ARRDC3: variants seen among roughly 807,000 people sequenced by gnomAD.
The protein encoded by ARRDC3 is arrestin domain-containing protein 3.
A neutral mutation model predicts 47.2 loss-of-function variants in ARRDC3; 10 were observed. That is an observed-to-expected ratio of 0.21 (90% CI 0.13 to 0.36). The LOEUF (loss-of-function observed/expected upper bound fraction) is 0.36, where lower values mean the gene tolerates loss of function less well. ARRDC3 is among the 10% of genes least tolerant of loss of function. ARRDC3 has a pLI of 1.00. For missense variants in ARRDC3, 381 were observed against 503.6 expected (o/e 0.76, Z 2.33); for synonymous variants, 156 against 178.3 (o/e 0.87, Z 1.00).
In ARRDC3 at chr5:91,376,613, A is replaced by T; in HGVS notation, c.510+8T>A. 1 of 1,598,662 alleles carries T rather than the reference A, an allele frequency of 6.3e-7. No individual in the cohort carries two copies. The highest frequency in any genetic ancestry group is 1.7e-4 in the Middle Eastern group (1 of 5,884). On this transcript the variant is annotated splice_region_variant and intron_variant, in intron 3 of 7. Transcript: ENST00000265138. ...AAACAAAGAATAAATAATTCAGTCA[A>T]TTCTTACCAGTAATGAAGGAGTGTT...
In ARRDC3 at chr5:91,383,098, T is replaced by C. The variant is rs1799485896; in HGVS notation, c.-6A>G. 6.3e-7 allele frequency: 1 copy of C among 1,578,572 alleles called. No individual in the cohort carries two copies. The highest frequency in any genetic ancestry group is 8.6e-7 in the Non-Finnish European group (1 of 1,165,616). Reference sequence around the variant, plus strand: ...TTCACCTTTCCCAGCACCATGTTTATAACAAAATCTATAAAAATATAATGT... The same window carrying C: ...TTCACCTTTCCCAGCACCATGTTTACAACAAAATCTATAAAAATATAATGT... On this transcript the variant is annotated 5_prime_UTR_variant, in exon 1 of 8. Transcript: ENST00000265138.
At position 91,376,727 on chromosome 5, in the gene ARRDC3, C is replaced by A; in HGVS notation, c.404G>T (p.Arg135Leu). ...GTGCAATTCGGCTTTCACCCAATAG[C>A]GCACACTGCCATGTCGGCCTTCGAA... ...TSFEGRHGSV[R>L]YWVKAELHRP... The change falls in exon 3 of 8, where the codon CGC becomes CTC. Residue 135 changes from arginine to leucine, a missense_variant. Arg to Leu is a moderately radical substitution (Grantham distance 102). Coordinates refer to ENST00000265138, the MANE Select transcript of ARRDC3 (RefSeq NM_020801.4). 1 of 1,613,922 alleles carries A rather than the reference C, an allele frequency of 6.2e-7. No homozygotes were observed. The highest frequency in any genetic ancestry group is 8.5e-7 in the Non-Finnish European group (1 of 1,179,908).
At chr5:91,376,291 A>G (rs1281553562) in intron 3 of ARRDC3, among the ~76,000 whole-genome samples, 1 of 152,194 alleles carries the variant, frequency 6.6e-6, no homozygotes, top group Non-Finnish European at 1.5e-5. Context: ...TATTATAATA[A>G]AAGATACTAC....
In ARRDC3 at chr5:91,375,612, G is replaced by A; in HGVS notation, c.512C>T (p.Ser171Leu). Residue 171 changes from serine (S) to leucine (L), a missense_variant and splice_region_variant, in exon 4 of 8, where the codon TCA becomes TTA. Coordinates refer to ENST00000265138, the MANE Select transcript of ARRDC3 (RefSeq NM_020801.4). ...HIDINTPSLL[S>L]PQAGTKEKTL... ...CTTTTCTTTTGTGCCTGCTTGGGGTGACTGTAAGAAAAAAATTAAGAGAAA... is the reference window on the plus strand; with the variant it reads ...CTTTTCTTTTGTGCCTGCTTGGGGTAACTGTAAGAAAAAAATTAAGAGAAA... 1.2e-6 allele frequency: 2 copies of A among 1,602,804 alleles called. No homozygotes were observed. Among genetic ancestry groups the A allele is most frequent in the Non-Finnish European group, 1.7e-6 (2 of 1,173,626 alleles).
intron 7 of ARRDC3, 88 bp downstream of exon 7, chr5:91,373,596 G>T: frequency 1.6e-6 from 2 of 1,245,874 alleles, no homozygotes; most frequent in South Asian, 3.0e-5. Flanking sequence ...TGATAATCAA[G>T]ATCTAATAAC....
chr5:91,376,478 G>A, intron 3 of ARRDC3, 143 bp downstream of exon 3: 2 of 754,558 alleles, frequency 2.7e-6, no homozygotes. Flanking sequence ...GTTCTTGACT[G>A]TATTTAAGAA....
intron 5 of ARRDC3, 113 bp from the exon 6 acceptor site, chr5:91,374,389 TTACA>T: frequency 1.1e-6 from 1 of 907,780 alleles, no homozygotes; most frequent in Non-Finnish European, 1.7e-6. Context: ...ATTTTTAAAC[TTACA>T]TACATGAAAA....
At chr5:91,378,521 G>A (rs751697173) in intron 2 of ARRDC3, among the ~76,000 whole-genome samples, 173 bp downstream of exon 2, 2 of 151,812 alleles carry the variant, frequency 1.3e-5, no homozygotes, top group Admixed American at 6.6e-5. Context: ...ATTTTGCCAC[G>A]CTAGATTAAA....
chr5:91,374,332 A>G, intron 5 of ARRDC3, 56 bp from the exon 6 acceptor site: 1 of 1,485,790 alleles, frequency 6.7e-7, no homozygotes, highest in Non-Finnish European at 9.2e-7. Flanking sequence ...TTCCTTTTCA[A>G]AAACTCATAA....
At position 91,371,347 on chromosome 5, in the gene ARRDC3, C is replaced by G. The variant is rs998999627; in HGVS notation, c.*53G>C. The G allele has an allele frequency of 2.0e-6, 3 of 1,477,672 alleles. No homozygotes were observed. The highest frequency in any genetic ancestry group is 2.8e-6 in the Non-Finnish European group (3 of 1,060,908). 91.5% of individuals were successfully genotyped at this position (1,477,672 alleles called of 1,614,324 possible). On this transcript the variant is annotated 3_prime_UTR_variant, in exon 8 of 8. Transcript: ENST00000265138. The stretch of plus-strand genomic sequence containing the variant: ...TCCAAGATACTTCTCTGTCCTCAGC[C>G]GGAAGAGATACAGTTCGGAACCCAC...
In ARRDC3 at chr5:91,378,859, T is replaced by TAC. The variant is rs1047492848; in HGVS notation, c.281-86_281-85dup. 10 of 781,802 alleles carry TAC rather than the reference T, an allele frequency of 1.3e-5. No individual in the cohort carries two copies. The African/African-American group carries it at 1.5e-4, about 11-fold the overall frequency. 48.4% of individuals were successfully genotyped at this position (781,802 alleles called of 1,614,324 possible). On this transcript the variant is annotated intron_variant, in intron 1 of 7. Coordinates refer to ENST00000265138, the MANE Select transcript of ARRDC3 (RefSeq NM_020801.4). ...AGGGTGGCATAACTTTAAAGATGCTTACATAACAATTAAGACCACAAAACA... is the reference window on the plus strand; with the variant it reads ...AGGGTGGCATAACTTTAAAGATGCTTACACATAACAATTAAGACCACAAAACA...
intron 1 of ARRDC3, among the ~76,000 whole-genome samples, chr5:91,381,230 G>A (rs1799451192): frequency 6.6e-6 from 1 of 151,990 alleles, no homozygotes; most frequent in Non-Finnish European, 1.5e-5. Context: ...GGGGTGCAGG[G>A]CATTTAGTTT....
rs1221479815 is a variant in ARRDC3 at position 91,370,593 on chromosome 5, C to G, written c.*807G>C. ...TTAAGTGATTTTAGGCAGTCAGTAACAAAATGCTGCTTTGCTGTAATAGTA... is the reference window on the plus strand; with the variant it reads ...TTAAGTGATTTTAGGCAGTCAGTAAGAAAATGCTGCTTTGCTGTAATAGTA... On this transcript the variant is annotated 3_prime_UTR_variant, in exon 8 of 8. Transcript: ENST00000265138. 3 of 152,508 alleles carry G rather than the reference C, an allele frequency of 2.0e-5. No individual in the cohort carries two copies. The allele number at this position is 152,508 out of a possible 1,614,324, so 9.4% of individuals were successfully genotyped here.
In ARRDC3 at chr5:91,368,693, AT is replaced by A. The variant is rs1322725012; in HGVS notation, c.*2706del. 6.6e-6 allele frequency: 1 copy of A among 152,452 alleles called. No homozygotes were observed. Among genetic ancestry groups the A allele is most frequent in the Non-Finnish European group, 1.5e-5 (1 of 68,042 alleles). The allele number at this position is 152,452 out of a possible 1,614,324, so 9.4% of individuals were successfully genotyped here. ...TTTGCATGTATGGTGAGTTACTAAT[AT>A]GATCAAGATTCAAATAAATCTCCAA... is the stretch of plus-strand genomic sequence containing the variant. On this transcript the variant is annotated 3_prime_UTR_variant, in exon 8 of 8. Transcript: ENST00000265138.
intron 2 of ARRDC3, 28 bp downstream of exon 2, chr5:91,378,666 A>T: frequency 7.8e-7 from 1 of 1,287,696 alleles, no homozygotes; most frequent in Non-Finnish European, 1.1e-6. Flanking sequence ...AAGTATCTAT[A>T]AAAATGCCTA....
chr5:91,379,679 C>T lies in ARRDC3; in HGVS notation c.281-904G>A, dbSNP rs140454631. On this transcript the variant is annotated intron_variant, in intron 1 of 7. Transcript: ENST00000265138. ...GAGGGGGTTCTAGATCATTAAAGTG[C>T]CTATTTAGCGTTTTAAATAATTACA... is the stretch of plus-strand genomic sequence containing the variant. Among the ~76,000 whole-genome samples the T allele has an allele frequency of 3.0e-3, 461 of 151,432 alleles. 1 individual carries two copies. Among genetic ancestry groups the T allele is most frequent in the Non-Finnish European group, 5.7e-3 (384 of 67,850 alleles).
intron 3 of ARRDC3, 109 bp from the exon 4 acceptor site, chr5:91,375,722 TG>T: frequency 2.8e-6 from 2 of 710,644 alleles, no homozygotes. Flanking sequence ...AAATTACAAC[TG>T]GTTTTGCTTT....
chr5:91,380,755 A>G (rs1197149917), intron 1 of ARRDC3: 2 of 152,318 alleles, frequency 1.3e-5, no homozygotes, highest in Non-Finnish European at 2.9e-5. Flanking sequence ...TTTCTGCTAA[A>G]GTTGGGTCCA....
At position 91,371,008 on chromosome 5, in the gene ARRDC3, G is replaced by C. The variant is rs75952939; in HGVS notation, c.*392C>G. 1.3e-5 allele frequency: 1 copy of C among 77,680 alleles called. No individual in the cohort carries two copies. 4.8% of individuals were successfully genotyped at this position (77,680 alleles called of 1,614,324 possible). ...GAGTATCAAGAGTCTGGCAAAAATA[G>C]AAAAAAAAAAAAAAAAAAAAAGAAG... On this transcript the variant is annotated 3_prime_UTR_variant, in exon 8 of 8. Transcript: ENST00000265138.
Sources: allele counts gnomAD v4.1 joint callset (sites outside exome capture counted in the v4.1 genomes callset), GRCh38; gene constraint gnomAD v4.1.1; transcripts MANE v1.5; gene names NCBI Gene and HGNC (gene_info 2026-07-23, HGNC 2026-07-21).